Variants in WDPCP observed in about 807,000 individuals in gnomAD.
WDPCP encodes WD repeat containing planar cell polarity effector.
A neutral mutation model predicts 93.1 loss-of-function variants in WDPCP; 71 were observed. The ratio of observed to expected loss-of-function variants is 0.76; its 90% CI spans 0.63 to 0.93. WDPCP has a LOEUF of 0.93. Ranked by LOEUF, WDPCP falls within the 40% of genes least tolerant of loss-of-function variation. WDPCP has a pLI of 0.00. For missense variants in WDPCP, 844 were observed against 887.4 expected, an observed-to-expected ratio of 0.95 and a Z score of 0.62; for synonymous variants, 315 against 315.0, an observed-to-expected ratio of 1.00 and a Z score of 0.00.
chr2:63,588,662 A>T, upstream of WDPCP: 1 of 483,496 alleles, frequency 2.1e-6, no homozygotes, highest in South Asian at 2.2e-5. Context: ...AGAGTTACAC[A>T]CGCTATCTCT....
At chr2:63,629,838 T>C (rs943268478) in intron 3 of WDPCP, among the ~76,000 whole-genome samples, 1 of 152,164 alleles carries the variant, frequency 6.6e-6, no homozygotes, top group African/African-American at 2.4e-5. Context: ...AAACAAAACA[T>C]GTAACTAAGA....
upstream of WDPCP, among the ~76,000 whole-genome samples, chr2:63,589,784 G>T (rs558872680): frequency 3.3e-5 from 5 of 152,158 alleles, no homozygotes; most frequent in Non-Finnish European, 7.3e-5. Flanking sequence ...CTGAAAGAGA[G>T]GGGGAGGGGG....
At chr2:63,398,064 C>T (rs535543182) in intron 10 of WDPCP, among the ~76,000 whole-genome samples, 1 of 152,208 alleles carries the variant, frequency 6.6e-6, no homozygotes, top group East Asian at 1.9e-4. Context: ...TGGCGCTAGT[C>T]TTGGACAAGA....
At chr2:63,625,493 A>C (rs1709800014) in intron 3 of WDPCP, among the ~76,000 whole-genome samples, 1 of 152,234 alleles carries the variant, frequency 6.6e-6, no homozygotes, top group Non-Finnish European at 1.5e-5. Flanking sequence ...CAGGATACAA[A>C]ATCAATGTGC....
intron 13 of WDPCP, among the ~76,000 whole-genome samples, chr2:63,285,629 C>T (rs999550272): frequency 6.6e-6 from 1 of 151,868 alleles, no homozygotes; most frequent in Non-Finnish European, 1.5e-5. Flanking sequence ...AATAAAGGAC[C>T]AGTAAACTTC....
At chr2:63,634,246 G>A (rs1575735090) in intron 3 of WDPCP, among the ~76,000 whole-genome samples, 1 of 152,130 alleles carries the variant, frequency 6.6e-6, no homozygotes, top group East Asian at 1.9e-4. Context: ...CTGAAAGAGA[G>A]CAGGGATAGC....
chr2:63,619,567 G>T (rs1207540957), intron 3 of WDPCP, among the ~76,000 whole-genome samples: 1 of 151,948 alleles, frequency 6.6e-6, no homozygotes, highest in East Asian at 1.9e-4. Context: ...TATTTTACTA[G>T]ATTGTAAGCA....
chr2:63,408,596 A>G (rs920745374), intron 9 of WDPCP, among the ~76,000 whole-genome samples: 1 of 152,132 alleles, frequency 6.6e-6, no homozygotes, highest in Non-Finnish European at 1.5e-5. Context: ...CACACTCCAC[A>G]GCCAGGGGGA....
intron 14 of WDPCP, among the ~76,000 whole-genome samples, chr2:63,259,075 T>A (rs1681385162): frequency 6.6e-6 from 1 of 152,204 alleles, no homozygotes; most frequent in African/African-American, 2.4e-5. Flanking sequence ...TTTTGACTTT[T>A]TGCTAAATGA....
chr2:63,141,407 G>T (rs566011748), intron 17 of WDPCP, among the ~76,000 whole-genome samples: 1 of 152,232 alleles, frequency 6.6e-6, no homozygotes, highest in South Asian at 2.1e-4. Flanking sequence ...TTTCTGTGGT[G>T]TATCACATTT....
chr2:63,221,885 C>T (rs924995918), intron 14 of WDPCP, among the ~76,000 whole-genome samples: 7 of 152,114 alleles, frequency 4.6e-5, no homozygotes, highest in Non-Finnish European at 1.5e-5. Context: ...TCAGGTAGGG[C>T]AATGACATTA....
intron 1 of WDPCP, among the ~76,000 whole-genome samples, chr2:63,543,763 T>G (rs1258699021): frequency 2.0e-5 from 3 of 152,066 alleles, no homozygotes; most frequent in Non-Finnish European, 2.9e-5. Context: ...AATTACTCGA[T>G]GAGATATAAT....
chr2:63,705,428 G>A (rs1352380450), intron 2 of WDPCP, among the ~76,000 whole-genome samples: 3 of 151,940 alleles, frequency 2.0e-5, no homozygotes, highest in Non-Finnish European at 4.4e-5. Context: ...TTCTCTTGTG[G>A]GCATTTAGTG....
chr2:63,831,934 T>C (rs1158157445), upstream of WDPCP, among the ~76,000 whole-genome samples: 1 of 152,196 alleles, frequency 6.6e-6, no homozygotes. Context: ...AGTCCCATCT[T>C]GTGGAAAGAT....
At chr2:63,455,966 T>C (rs1450021642) in intron 6 of WDPCP, among the ~76,000 whole-genome samples, 1 of 152,150 alleles carries the variant, frequency 6.6e-6, no homozygotes, top group Non-Finnish European at 1.5e-5. Context: ...ATGGAAATCA[T>C]ATCACATATA....
intron 1 of WDPCP, among the ~76,000 whole-genome samples, chr2:63,539,049 C>A (rs1232839683): frequency 2.0e-5 from 3 of 152,118 alleles, no homozygotes; most frequent in Non-Finnish European, 4.4e-5. Context: ...GTCTCCTAGA[C>A]CTTTAACATA....
chr2:63,386,721 C>T (rs1464467603), intron 10 of WDPCP, among the ~76,000 whole-genome samples: 1 of 151,920 alleles, frequency 6.6e-6, no homozygotes, highest in Non-Finnish European at 1.5e-5. Flanking sequence ...CATACAAAGA[C>T]TTGTAGATGA....
chr2:63,358,247 GA>G (rs930031803), intron 12 of WDPCP, among the ~76,000 whole-genome samples: 1 of 147,942 alleles, frequency 6.8e-6, no homozygotes, highest in Non-Finnish European at 1.5e-5. Context: ...TTTTAAAAAA[GA>G]AAAAAAAATC....
At chr2:63,235,959 A>G (rs1031720166) in intron 14 of WDPCP, among the ~76,000 whole-genome samples, 14 of 152,104 alleles carry the variant, frequency 9.2e-5, no homozygotes, top group Non-Finnish European at 1.8e-4. Flanking sequence ...CCACACTCCC[A>G]TTCAAAAAAG....
Sources: gnomAD v4.1 joint callset for allele counts (sites outside exome capture counted in the v4.1 genomes callset) on GRCh38, gnomAD v4.1.1 for gene constraint, MANE v1.5 for transcripts, NCBI Gene and HGNC (gene_info 2026-07-23, HGNC 2026-07-21) for gene names.